The following ATP1A2 variants were observed in gnomAD, a reference collection of about 807,000 sequenced individuals.
ATP1A2 encodes the protein sodium/potassium-transporting ATPase subunit alpha-2.
Under a neutral mutation model 113.1 loss-of-function variants are expected in ATP1A2, and 56 were observed. The ratio of observed to expected loss-of-function variants is 0.49; its 90% CI spans 0.40 to 0.62. ATP1A2 has a LOEUF of 0.62. ATP1A2 is among the 20% of genes least tolerant of loss of function. The pLI is 0.00. For missense variants in ATP1A2, 712 were observed against 1,357.8 expected (o/e 0.52, Z 7.47); for synonymous variants, 490 against 526.8 (o/e 0.93, Z 0.96).
At position 160,136,474 on chromosome 1, in the gene ATP1A2, C is replaced by T. The variant is rs187140507; in HGVS notation, c.2564-96C>T. On this transcript the variant is annotated intron_variant, in intron 18 of 22. Transcript: ENST00000361216. ...AAATTCCAGGACAGAGGCCAGCTAC[C>T]CAAGGGTCAGGGACCTCCATCTCTG... 10 of 1,612,716 alleles carry T rather than the reference C, an allele frequency of 6.2e-6. No individual in the cohort carries two copies. The Admixed American group carries it at 1.7e-4, about 27-fold the overall frequency.
intron 22 of ATP1A2, 178 bp downstream of exon 22, chr1:160,140,162 C>A: frequency 1.5e-6 from 1 of 653,664 alleles, no homozygotes; most frequent in Non-Finnish European, 2.7e-6. Context: ...TGTCTCTGCC[C>A]TCTTCCCATC....
At chr1:160,123,155 G>A (rs1181573555) in intron 3 of ATP1A2, 58 bp from the exon 4 acceptor site, 34 of 1,591,356 alleles carry the variant, frequency 2.1e-5, no homozygotes, top group Non-Finnish European at 2.7e-5. Flanking sequence ...GGATGGGCAT[G>A]GTGACTGGCT....
chr1:160,118,268 G>A (rs1651254288), intron 1 of ATP1A2, among the ~76,000 whole-genome samples: 1 of 152,136 alleles, frequency 6.6e-6, no homozygotes, highest in African/African-American at 2.4e-5. Flanking sequence ...TGAATATACA[G>A]AAATTCCTCT....
At chr1:160,134,395 T>C in intron 13 of ATP1A2, 89 bp from the exon 14 acceptor site, 1 of 1,593,460 alleles carries the variant, frequency 6.3e-7, no homozygotes, top group Non-Finnish European at 8.6e-7. Flanking sequence ...GACATCTCGC[T>C]ATCTAGCTTT....
intron 1 of ATP1A2, among the ~76,000 whole-genome samples, chr1:160,118,196 G>A (rs1651250770): frequency 6.6e-6 from 1 of 152,222 alleles, no homozygotes; most frequent in Non-Finnish European, 1.5e-5. Flanking sequence ...AAAGTGCATG[G>A]ACCAGCAAGT....
chr1:160,130,023 T>C (rs1651719505), intron 11 of ATP1A2, 79 bp from the exon 12 acceptor site: 1 of 1,576,150 alleles, frequency 6.3e-7, no homozygotes, highest in Non-Finnish European at 8.7e-7. Context: ...TCTAAGGTGG[T>C]TTCCTTACCA....
chr1:160,127,840 G>T lies in ATP1A2; in HGVS notation c.1017+20G>T, dbSNP rs370753875. 1.7e-5 allele frequency: 27 copies of T among 1,573,838 alleles called. No individual in the cohort carries two copies. In the African/African-American group the frequency reaches 3.2e-4, roughly 19 times the overall value. ...GTCACTGTGAGTGGGTCAGGCTGAG[G>T]TGCCACCAGGGGAGGGTCTCACTAC... On this transcript the variant is annotated intron_variant, in intron 8 of 22. Transcript: ENST00000361216.
At chr1:160,120,356 C>T (rs534107834) in intron 1 of ATP1A2, among the ~76,000 whole-genome samples, 4 of 152,290 alleles carry the variant, frequency 2.6e-5, no homozygotes, top group African/African-American at 9.6e-5. Context: ...CACCACCAGA[C>T]CTGGCTCTCC....
intron 7 of ATP1A2, among the ~76,000 whole-genome samples, chr1:160,126,907 G>C (rs967343819): frequency 6.6e-6 from 1 of 152,160 alleles, no homozygotes; most frequent in African/African-American, 2.4e-5. Flanking sequence ...AAATAAATGA[G>C]ATATTTGTTG....
chr1:160,121,154 T>C (rs1651382456), intron 2 of ATP1A2, 38 bp from the exon 3 acceptor site: 3 of 1,612,562 alleles, frequency 1.9e-6, no homozygotes, highest in Non-Finnish European at 2.5e-6. Context: ...GCATCTTAGA[T>C]ACCTCCTCCC....
Sources: gnomAD v4.1 joint callset for allele counts (sites outside exome capture counted in the v4.1 genomes callset) on GRCh38, gnomAD v4.1.1 for gene constraint, MANE v1.5 for transcripts, NCBI Gene and HGNC (gene_info 2026-07-23, HGNC 2026-07-21) for gene names.